The following RHCG variants were observed in gnomAD, a reference collection of about 807,000 sequenced individuals.
RHCG encodes the protein ammonium transporter Rh type C.
In RHCG, 39 loss-of-function variants were observed where a neutral mutation model predicts 55.3. The ratio of observed to expected loss-of-function variants is 0.70; its 90% CI spans 0.55 to 0.92. The LOEUF is 0.92. Among genes scored for constraint, RHCG ranks in the 40% least tolerant of loss-of-function variants. The probability of loss-of-function intolerance (pLI) is 0.00; values close to 1 mark genes in which losing one functional copy is unlikely to be tolerated. For missense variants in RHCG, 635 were observed against 627.9 expected, an observed-to-expected ratio of 1.01 and a Z score of -0.12; for synonymous variants, 250 against 246.8, an observed-to-expected ratio of 1.01 and a Z score of -0.12.
rs769170502 is a variant in RHCG at position 89,486,875 on chromosome 15, C to T, written c.295G>A (p.Gly99Ser). Residue 99 changes from glycine (G) to serine (S), a missense_variant, in exon 2 of 11, where the codon GGC (glycine) becomes AGC (serine). Gly to Ser is a moderately conservative substitution (Grantham distance 56). Coordinates refer to ENST00000268122, the MANE Select transcript of RHCG (RefSeq NM_016321.3). ...VGFNFLLAAF[G>S]IQWALLMQGW... ...TGCATGAGCAGCGCCCACTGGATGC[C>T]GAAGGCTGCCAACAGGAAGTTGAAG... The T allele has an allele frequency of 5.6e-6, 9 of 1,612,652 alleles. No homozygotes were observed. The highest frequency in any genetic ancestry group is 6.8e-6 in the Non-Finnish European group (8 of 1,178,836).
intron 1 of RHCG, among the ~76,000 whole-genome samples, chr15:89,494,839 C>T (rs1420610191): frequency 1.3e-5 from 2 of 152,050 alleles, no homozygotes; most frequent in Non-Finnish European, 2.9e-5. Flanking sequence ...CTCCACTCCC[C>T]AGACACATTG....
intron 2 of RHCG, 101 bp from the exon 3 acceptor site, chr15:89,483,318 C>A: frequency 6.4e-6 from 7 of 1,094,630 alleles, no homozygotes; most frequent in Non-Finnish European, 8.8e-6. Flanking sequence ...TGTGGCTTAA[C>A]CTTTCTGAGC....
chr15:89,485,215 C>T (rs563095360), intron 2 of RHCG, among the ~76,000 whole-genome samples: 2 of 152,184 alleles, frequency 1.3e-5, no homozygotes, highest in African/African-American at 4.8e-5. Flanking sequence ...AAAAAAAATT[C>T]ATTTAGCCAT....
chr15:89,473,447 T>C (rs549302900), intron 9 of RHCG, among the ~76,000 whole-genome samples: 32 of 152,254 alleles, frequency 2.1e-4, no homozygotes, highest in Middle Eastern at 3.4e-3. Flanking sequence ...ACTCCCAAGG[T>C]AAACCACTCA....
chr15:89,479,256 G>T (rs369835791), intron 5 of RHCG, 66 bp downstream of exon 5: 5 of 1,530,782 alleles, frequency 3.3e-6, no homozygotes, highest in South Asian at 2.5e-5. Flanking sequence ...TGTTGGCAAG[G>T]CATGGTGATC....
chr15:89,496,316 C>G (rs531986749), intron 1 of RHCG, 45 bp downstream of exon 1: 1 of 1,604,482 alleles, frequency 6.2e-7, no homozygotes, highest in Admixed American at 1.7e-5. Flanking sequence ...AGGTGGGGAC[C>G]GGCGCGGATA....
chr15:89,473,004 A>G lies in RHCG; in HGVS notation c.1312-141T>C. 3.0e-6 allele frequency: 3 copies of G among 996,422 alleles called. No homozygotes were observed. In the South Asian group the frequency reaches 6.1e-5, roughly 20 times the overall value. The allele number at this position is 996,422 out of a possible 1,614,324, so 61.7% of individuals were successfully genotyped here. ...GTGCGGATCACATGCCACGGAGAGC[A>G]GGGTGGTCCTTCAACACAGGAGTCC... On this transcript the variant is annotated intron_variant, in intron 9 of 10. Coordinates refer to ENST00000268122, the MANE Select transcript of RHCG (RefSeq NM_016321.3).
intron 1 of RHCG, among the ~76,000 whole-genome samples, chr15:89,487,615 A>T (rs1356527985): frequency 6.6e-6 from 1 of 152,042 alleles, no homozygotes; most frequent in African/African-American, 2.4e-5. Flanking sequence ...ACATCCCCGC[A>T]TCCCTGAGAC....
rs1318093999 is a variant in RHCG, at chr15:89,473,139, T to C, written c.1312-276A>G. 2.0e-5 allele frequency among the ~76,000 whole-genome samples: 3 copies of C among 152,268 alleles called. No homozygotes were observed. In the East Asian group the frequency reaches 5.8e-4, roughly 29 times the overall value. On this transcript the variant is annotated intron_variant, in intron 9 of 10. Transcript: ENST00000268122. Reference sequence around the variant, plus strand: ...TGAGGCATTGCAGTGAAATACCCAGTGACAGTAAGAGTTGCAAATGCACAC... The same window carrying C: ...TGAGGCATTGCAGTGAAATACCCAGCGACAGTAAGAGTTGCAAATGCACAC...
At position 89,479,183 on chromosome 15, in the gene RHCG, T is replaced by G. The variant is rs181399432; in HGVS notation, c.837+139A>C. ...GTGCTGCTGAAAACTGGCCATGTGC[T>G]CAAAACAAATCATTTCTCCCCCAAC... On this transcript the variant is annotated intron_variant, in intron 5 of 10. Transcript: ENST00000268122. The G allele has an allele frequency of 4.9e-4, 405 of 819,610 alleles. 1 individual carries two copies. In the African/African-American group the frequency reaches 7.8e-3, roughly 16 times the overall value. 50.8% of individuals were successfully genotyped at this position (819,610 alleles called of 1,614,324 possible). A position where few individuals can be genotyped will look rare whatever the true frequency, so the allele number is the denominator to read the frequency against.
chr15:89,487,258 T>G (rs1323736956), intron 1 of RHCG, among the ~76,000 whole-genome samples: 1 of 152,066 alleles, frequency 6.6e-6, no homozygotes, highest in Non-Finnish European at 1.5e-5. Flanking sequence ...GGCCCCCACC[T>G]TAGCCTATTT....
intron 1 of RHCG, 86 bp from the exon 2 acceptor site, chr15:89,487,071 C>G: frequency 1.6e-6 from 2 of 1,270,026 alleles, no homozygotes; most frequent in Admixed American, 6.3e-5. Context: ...CCGGGGTAGC[C>G]CCTCAGTCTT....
chr15:89,483,775 G>A (rs1447619230), intron 2 of RHCG, among the ~76,000 whole-genome samples: 1 of 152,072 alleles, frequency 6.6e-6, no homozygotes, highest in Non-Finnish European at 1.5e-5. Flanking sequence ...GGGCCTTCCT[G>A]CAGGAAGGAG....
intron 2 of RHCG, 42 bp downstream of exon 2, chr15:89,486,757 C>T: frequency 1.9e-6 from 3 of 1,556,234 alleles, no homozygotes; most frequent in Non-Finnish European, 2.6e-6. Flanking sequence ...CAGCCCCATC[C>T]CTCCCAGTCC....
intron 1 of RHCG, among the ~76,000 whole-genome samples, chr15:89,493,126 G>A (rs188347816): frequency 6.6e-5 from 10 of 152,232 alleles, no homozygotes; most frequent in Non-Finnish European, 8.8e-5. Context: ...AGCCTGCTTC[G>A]GCCTCATGAC....
At chr15:89,492,546 G>A (rs894909643) in intron 1 of RHCG, among the ~76,000 whole-genome samples, 1 of 152,202 alleles carries the variant, frequency 6.6e-6, no homozygotes, top group Non-Finnish European at 1.5e-5. Flanking sequence ...TGGTCAGGGG[G>A]CAGCAATGCC....
chr15:89,475,401 C>T (rs1961129316), intron 9 of RHCG, among the ~76,000 whole-genome samples: 1 of 152,302 alleles, frequency 6.6e-6, no homozygotes, highest in African/African-American at 2.4e-5. Flanking sequence ...AGACACTGAG[C>T]CCGGCTAATT....
chr15:89,489,360 G>A (rs1011419776), intron 1 of RHCG, among the ~76,000 whole-genome samples: 3 of 152,096 alleles, frequency 2.0e-5, no homozygotes, highest in Non-Finnish European at 4.4e-5. Context: ...CAGGCCTCAA[G>A]TGATCTGTCC....
rs966478023 is a variant in RHCG, at chr15:89,477,381, A to C, written c.1112+136T>G. 1 of 1,401,122 alleles carries C rather than the reference A, an allele frequency of 7.1e-7. No individual in the cohort carries two copies. Among genetic ancestry groups the C allele is most frequent in the Non-Finnish European group, 9.7e-7 (1 of 1,028,710 alleles). The allele number at this position is 1,401,122 out of a possible 1,614,324, so 86.8% of individuals were successfully genotyped here. On this transcript the variant is annotated intron_variant, in intron 7 of 10. Coordinates refer to ENST00000268122, the MANE Select transcript of RHCG (RefSeq NM_016321.3). The surrounding 1 kb of genome is among the most constrained non-coding windows in gnomAD (Gnocchi z 4.5). ...TCTAAGGGACAGAGTTTGGGGAGAG[A>C]GACCCATGAAACAATTGGTCCAGAG... is the stretch of plus-strand genomic sequence containing the variant.
Sources: gnomAD v4.1 joint callset for allele counts (sites outside exome capture counted in the v4.1 genomes callset) on GRCh38, gnomAD v4.1.1 for gene constraint, Gnocchi (gnomAD v3.1) non-coding constraint, MANE v1.5 for transcripts, NCBI Gene and HGNC (gene_info 2026-07-23, HGNC 2026-07-21) for gene names.